TMEM200A: variants seen among roughly 807,000 people sequenced by gnomAD.
TMEM200A encodes transmembrane protein 200A.
In TMEM200A, 12 loss-of-function variants were observed where a neutral mutation model predicts 24.3. The observed-to-expected ratio is 0.49, with a 90% CI of 0.32 to 0.80. The LOEUF (loss-of-function observed/expected upper bound fraction) is 0.80, where lower values mean the gene tolerates loss of function less well. Among genes scored for constraint, TMEM200A ranks in the 30% least tolerant of loss-of-function variants. The pLI is 0.04. For synonymous variants in TMEM200A, 224 were observed against 224.4 expected (o/e 1.00, Z 0.02); for missense variants, 545 against 614.4 (o/e 0.89, Z 1.19).
intron 2 of TMEM200A, among the ~76,000 whole-genome samples, chr6:130,411,187 A>G (rs1461333232): frequency 6.6e-6 from 1 of 151,870 alleles, no homozygotes; most frequent in Non-Finnish European, 1.5e-5. Context: ...AAAAATCAAT[A>G]TGGCATCTTA....
chr6:130,441,981 A>AC lies in TMEM200A; in HGVS notation c.*83_*84insC. The AC allele has an allele frequency of 7.6e-7, 1 of 1,309,072 alleles. No homozygotes were observed. Among genetic ancestry groups the AC allele is most frequent in the Non-Finnish European group, 1.0e-6 (1 of 960,946 alleles). The allele number at this position is 1,309,072 out of a possible 1,614,324, so 81.1% of individuals were successfully genotyped here. A position where few individuals can be genotyped will look rare whatever the true frequency, so the allele number is the denominator to read the frequency against. On this transcript the variant is annotated 3_prime_UTR_variant, in exon 3 of 3. Transcript: ENST00000296978. ...GTTTCCTTCTTAAAGTATTGGCTGT[A>AC]AGCCTTTTTAATCAAATGGTTTGTA...
At chr6:130,381,625 A>G (rs1778597680) in intron 1 of TMEM200A, among the ~76,000 whole-genome samples, 2 of 152,252 alleles carry the variant, frequency 1.3e-5, no homozygotes, top group African/African-American at 4.8e-5. Context: ...TGACAACTGC[A>G]GAACATTGAG....
chr6:130,439,140 A>G lies in TMEM200A; in HGVS notation c.-16-1267A>G, dbSNP rs1200303654. 4 of 152,346 alleles carry G rather than the reference A, an allele frequency of 2.6e-5. No homozygotes were observed. In the East Asian group the frequency reaches 7.7e-4, roughly 29 times the overall value. 9.4% of individuals were successfully genotyped at this position (152,346 alleles called of 1,614,324 possible). A position where few individuals can be genotyped will look rare whatever the true frequency, so the allele number is the denominator to read the frequency against. Reference sequence around the variant, plus strand: ...CAGCTAAAACTTTGGTAGGTAGTGGAGAATATTTTATCATTATTCTGCTCT... The same window carrying G: ...CAGCTAAAACTTTGGTAGGTAGTGGGGAATATTTTATCATTATTCTGCTCT... On this transcript the variant is annotated intron_variant, in intron 2 of 2. Coordinates refer to ENST00000296978, the MANE Select transcript of TMEM200A (RefSeq NM_001258277.2).
chr6:130,399,269 C>T (rs74872754), intron 2 of TMEM200A, among the ~76,000 whole-genome samples: 4,100 of 152,084 alleles, frequency 0.027, 63 homozygotes, highest in African/African-American at 0.041. Context: ...TAAAAAAATT[C>T]TTCAGAACTT....
chr6:130,406,317 A>G (rs1270777824), intron 2 of TMEM200A, among the ~76,000 whole-genome samples: 4 of 152,162 alleles, frequency 2.6e-5, no homozygotes, highest in Non-Finnish European at 5.9e-5. Flanking sequence ...CCTTTTAAAT[A>G]TATCTGTAGC....
intron 2 of TMEM200A, among the ~76,000 whole-genome samples, chr6:130,395,212 G>A (rs1778922901): frequency 6.6e-6 from 1 of 152,264 alleles, no homozygotes; most frequent in African/African-American, 2.4e-5. Context: ...AAGCTATCCA[G>A]CCATACTGGT....
At chr6:130,377,212 T>C (rs1306278255) in intron 1 of TMEM200A, among the ~76,000 whole-genome samples, 2 of 152,064 alleles carry the variant, frequency 1.3e-5, no homozygotes, top group Non-Finnish European at 2.9e-5. Context: ...TGAGTCTACG[T>C]TGGGGTGGCA....
At chr6:130,438,406 T>G (rs1780070994) in intron 2 of TMEM200A, 1 of 152,238 alleles carries the variant, frequency 6.6e-6, no homozygotes, top group Non-Finnish European at 1.5e-5. Context: ...AGATGAGATT[T>G]GATGCCCTGA....
At chr6:130,418,705 T>A (rs923177880) in intron 2 of TMEM200A, among the ~76,000 whole-genome samples, 7 of 152,100 alleles carry the variant, frequency 4.6e-5, no homozygotes, top group Non-Finnish European at 2.9e-5. Context: ...AAGATCTGGG[T>A]TTGGGTCCTT....
At chr6:130,419,259 T>G (rs1257328618) in intron 2 of TMEM200A, among the ~76,000 whole-genome samples, 1 of 152,196 alleles carries the variant, frequency 6.6e-6, no homozygotes, top group Non-Finnish European at 1.5e-5. Context: ...TTTACTATTT[T>G]TTGTGGCCAA....
At chr6:130,390,806 C>G (rs1170205718) in intron 2 of TMEM200A, among the ~76,000 whole-genome samples, 2 of 152,180 alleles carry the variant, frequency 1.3e-5, no homozygotes, top group African/African-American at 4.8e-5. Context: ...TTGAATCTCC[C>G]AGGCACCTTT....
chr6:130,422,593 G>T (rs1327888918), intron 2 of TMEM200A, among the ~76,000 whole-genome samples: 3 of 152,058 alleles, frequency 2.0e-5, no homozygotes, highest in Non-Finnish European at 2.9e-5. Context: ...TGTTGCTTTT[G>T]AACTGTTGAA....
At position 130,442,326 on chromosome 6, in the gene TMEM200A, A is replaced by C. The variant is rs1206110237; in HGVS notation, c.*428A>C. ...ATAGATGACTATGAGTGCAAACCTT[A>C]GGATGTGATTTTCTGAATAATTGTT... On this transcript the variant is annotated 3_prime_UTR_variant, in exon 3 of 3. Transcript: ENST00000296978. 6.0e-6 allele frequency: 1 copy of C among 167,690 alleles called. No homozygotes were observed. The highest frequency in any genetic ancestry group is 1.5e-5 in the Non-Finnish European group (1 of 68,890). 10.4% of individuals were successfully genotyped at this position (167,690 alleles called of 1,614,324 possible).
In TMEM200A at chr6:130,441,217, T is replaced by C; in HGVS notation, c.795T>C (p.Thr265=). The C allele has an allele frequency of 6.2e-7, 1 of 1,614,120 alleles. No homozygotes were observed. The highest frequency in any genetic ancestry group is 8.5e-7 in the Non-Finnish European group (1 of 1,179,986). The change falls in exon 3 of 3, where the codon ACT becomes ACC. Residue 265 remains threonine, a synonymous_variant. Transcript: ENST00000296978. ...TCTATCCACCTCCTTCCAAGACAAC[T>C]GATGATAAGACCAGCGGCTCTAAGA... ...FGLYPPPSKT[T]DDKTSGSKKC... is the part of the protein sequence containing the mutation.
intron 1 of TMEM200A, among the ~76,000 whole-genome samples, chr6:130,381,383 G>GT (rs773586590): frequency 6.6e-6 from 1 of 151,972 alleles, no homozygotes; most frequent in African/African-American, 2.4e-5. Flanking sequence ...ATATAGTTTT[G>GT]TTTTTTTTAA....
At chr6:130,415,009 A>G (rs1038346014) in intron 2 of TMEM200A, among the ~76,000 whole-genome samples, 8 of 152,220 alleles carry the variant, frequency 5.3e-5, no homozygotes, top group Admixed American at 2.0e-4. Context: ...GCTCCTTAGC[A>G]TATTCATTCA....
At chr6:130,368,576 G>T (rs75734922) in intron 1 of TMEM200A, among the ~76,000 whole-genome samples, 3 of 152,106 alleles carry the variant, frequency 2.0e-5, no homozygotes, top group African/African-American at 7.2e-5. Flanking sequence ...CTGGACTTAC[G>T]CTATGTTTTG....
chr6:130,396,533 A>G (rs1316933959), intron 2 of TMEM200A, among the ~76,000 whole-genome samples: 1 of 152,116 alleles, frequency 6.6e-6, no homozygotes, highest in Non-Finnish European at 1.5e-5. Flanking sequence ...GAAAAAATAT[A>G]AAGAAGTAAA....
Position 130,441,769 on chromosome 6 carries a change from C to A in TMEM200A, c.1347C>A (p.Ala449=), listed in dbSNP as rs759523337. 6.2e-7 allele frequency: 1 copy of A among 1,613,994 alleles called. No homozygotes were observed. Among genetic ancestry groups the A allele is most frequent in the South Asian group, 1.1e-5 (1 of 91,070 alleles). The change falls in exon 3 of 3, where the codon GCC becomes GCA. Residue 449 remains alanine (A), a synonymous_variant. Transcript: ENST00000296978. ...ATAGGTTGCTTGTGCCCCAAGTTGC[C>A]ATCAAAAAGGACTTTACCAATAAGG... ...PMDRLLVPQV[A]IKKDFTNKEK...
Sources: gnomAD v4.1 joint callset for allele counts (sites outside exome capture counted in the v4.1 genomes callset) on GRCh38, gnomAD v4.1.1 for gene constraint, MANE v1.5 for transcripts, NCBI Gene and HGNC (gene_info 2026-07-23, HGNC 2026-07-21) for gene names.